Variants in DTD1 observed in about 807,000 individuals in gnomAD.
The protein encoded by DTD1 is D-aminoacyl-tRNA deacylase 1.
DTD1 carries 13 observed loss-of-function variants against 25.6 expected under a neutral mutation model. The ratio of observed to expected loss-of-function variants is 0.51; its 90% CI spans 0.33 to 0.81. DTD1 has a LOEUF of 0.81. Among genes scored for constraint, DTD1 ranks in the 30% least tolerant of loss-of-function variants. The pLI is 0.02. For missense variants in DTD1, 193 were observed against 266.4 expected (o/e 0.72, Z 1.92); for synonymous variants, 110 against 103.6 (o/e 1.06, Z -0.37).
intron 4 of DTD1, among the ~76,000 whole-genome samples, chr20:18,742,553 G>A (rs1171771810): frequency 2.0e-5 from 3 of 152,098 alleles, no homozygotes; most frequent in Non-Finnish European, 4.4e-5. Context: ...TGCATGCGGG[G>A]GATCTAGGTT....
rs538704133 is a variant in DTD1, at chr20:18,687,236, T to TCCCA, written c.478-56863_478-56860dup. 2.2e-4 allele frequency among the ~76,000 whole-genome samples: 33 copies of TCCCA among 152,274 alleles called. 1 individual carries two copies. The South Asian group carries it at 6.6e-3, about 31-fold the overall frequency. ...AGGTAGAGGGAACTTCCAGGTTGGG[T>TCCCA]CCCAGAGAGGGCCAGTGCTGGGTGA... On this transcript the variant is annotated intron_variant, in intron 4 of 5. Coordinates refer to ENST00000377452, the MANE Select transcript of DTD1 (RefSeq NM_080820.6).
chr20:18,739,911 G>A (rs910217815), intron 4 of DTD1, among the ~76,000 whole-genome samples: 6 of 151,026 alleles, frequency 4.0e-5, no homozygotes, highest in Non-Finnish European at 1.5e-5. Flanking sequence ...TGGTTGGGTT[G>A]TTTTAAGATA....
chr20:18,685,026 G>A lies in DTD1; in HGVS notation c.477+56793G>A, dbSNP rs116542897. ...CAGTCCTCCCACCTCAGCTTCCTGA[G>A]TAGCTGGGCCTATAGGTGCATACCA... On this transcript the variant is annotated intron_variant, in intron 4 of 5. Coordinates refer to ENST00000377452, the MANE Select transcript of DTD1 (RefSeq NM_080820.6). Among the ~76,000 whole-genome samples the A allele has an allele frequency of 1.7e-3, 258 of 152,090 alleles. 1 individual carries two copies. The highest frequency in any genetic ancestry group is 6.0e-3 in the African/African-American group (247 of 41,480).
chr20:18,649,734 G>A (rs1226058488), intron 4 of DTD1, among the ~76,000 whole-genome samples: 2 of 152,178 alleles, frequency 1.3e-5, no homozygotes, highest in Non-Finnish European at 2.9e-5. Flanking sequence ...TACTGTAAAT[G>A]TGAGTTGAGT....
intron 4 of DTD1, among the ~76,000 whole-genome samples, chr20:18,714,630 GA>G (rs1360001503): frequency 6.6e-6 from 1 of 152,130 alleles, no homozygotes; most frequent in East Asian, 1.9e-4. Flanking sequence ...GTGCTGCTTG[GA>G]ACCAGGGTCA....
At chr20:18,596,339 T>G (rs992208104) in intron 3 of DTD1, 98 bp downstream of exon 3, 6 of 986,608 alleles carry the variant, frequency 6.1e-6, no homozygotes, top group Non-Finnish European at 9.0e-6. Context: ...TTCTGGAAAG[T>G]CATTGTTTAT....
chr20:18,595,938 T>G, intron 2 of DTD1, 68 bp from the exon 3 acceptor site: 3 of 1,357,946 alleles, frequency 2.2e-6, no homozygotes, highest in East Asian at 4.6e-5. Flanking sequence ...GTGACATTTT[T>G]GGGGTATGGA....
chr20:18,651,566 C>A (rs971802626), intron 4 of DTD1, among the ~76,000 whole-genome samples: 7 of 152,234 alleles, frequency 4.6e-5, no homozygotes, highest in Non-Finnish European at 1.0e-4. Flanking sequence ...GCTCTCATGA[C>A]TGCCCCCTTT....
chr20:18,593,535 A>G (rs2060598669), intron 1 of DTD1, among the ~76,000 whole-genome samples, 196 bp from the exon 2 acceptor site: 1 of 152,220 alleles, frequency 6.6e-6, no homozygotes, highest in Non-Finnish European at 1.5e-5. Context: ...TTCCAGAGAT[A>G]AAATCAGAAT....
intron 4 of DTD1, among the ~76,000 whole-genome samples, chr20:18,708,154 AAC>A (rs2061133799): frequency 2.0e-5 from 1 of 50,844 alleles, no homozygotes; most frequent in Non-Finnish European, 5.4e-5. Flanking sequence ...GCTAATTATT[AAC>A]ATGTGTGTGT....
At chr20:18,681,359 T>A (rs1457000401) in intron 4 of DTD1, among the ~76,000 whole-genome samples, 2 of 152,230 alleles carry the variant, frequency 1.3e-5, no homozygotes, top group African/African-American at 4.8e-5. Context: ...GAAAATCAGA[T>A]GAAGCCCCAC....
At chr20:18,742,666 G>A (rs373995331) in intron 4 of DTD1, among the ~76,000 whole-genome samples, 1 of 152,140 alleles carries the variant, frequency 6.6e-6, no homozygotes, top group Non-Finnish European at 1.5e-5. Context: ...CAGAAAAATT[G>A]TCTTCTATAA....
At chr20:18,688,297 C>T (rs1357767431) in intron 4 of DTD1, among the ~76,000 whole-genome samples, 7 of 152,142 alleles carry the variant, frequency 4.6e-5, no homozygotes, top group African/African-American at 9.7e-5. Context: ...ACTGAGTCTT[C>T]GGACTTGGGA....
rs1202314515 is a variant in DTD1, at chr20:18,638,174, T to C, written c.477+9941T>C. Among the ~76,000 whole-genome samples the C allele has an allele frequency of 9.1e-4, 3 of 3,288 alleles. No homozygotes were observed. The East Asian group carries it at 0.014, about 16-fold the overall frequency. 2.2% of individuals were successfully genotyped at this position (3,288 alleles called of 152,430 possible). A position where few individuals can be genotyped will look rare whatever the true frequency, so the allele number is the denominator to read the frequency against. ...ACCCATATGTCCCTCCATCTGCCCA[T>C]CCATCCATCCATCCATCCATCCATC... On this transcript the variant is annotated intron_variant, in intron 4 of 5. Coordinates refer to ENST00000377452, the MANE Select transcript of DTD1 (RefSeq NM_080820.6).
chr20:18,632,417 G>C, intron 4 of DTD1: 3 of 985,462 alleles, frequency 3.0e-6, no homozygotes, highest in Non-Finnish European at 3.6e-6. Flanking sequence ...CGCAGAAGCG[G>C]CCTGTGTTAG....
At chr20:18,763,234 G>A (rs2061369635) in intron 5 of DTD1, 126 bp from the exon 6 acceptor site, 2 of 152,724 alleles carry the variant, frequency 1.3e-5, no homozygotes, top group Non-Finnish European at 1.5e-5. Context: ...ACTGATGCTG[G>A]TGTCACTGTA....
At position 18,765,484 on chromosome 20, in the gene DTD1, G is replaced by A. The variant is rs982762829; in HGVS notation, c.*2144G>A. On this transcript the variant is annotated 3_prime_UTR_variant, in exon 6 of 6. Transcript: ENST00000377452. The stretch of plus-strand genomic sequence containing the variant: ...ACTACTTTTGTAAACATTTTGGATT[G>A]AAGAGAACTTTTCCATCATCCTGAA... 1 of 152,166 alleles carries A rather than the reference G, an allele frequency of 6.6e-6. No individual in the cohort carries two copies. The allele number at this position is 152,166 out of a possible 1,614,324, so 9.4% of individuals were successfully genotyped here.
intron 4 of DTD1, among the ~76,000 whole-genome samples, chr20:18,737,074 C>T (rs1398777685): frequency 1.3e-5 from 2 of 152,206 alleles, no homozygotes; most frequent in Non-Finnish European, 2.9e-5. Context: ...TCTGCCACTC[C>T]CGACAATAAT....
chr20:18,625,709 C>T (rs1273356435), intron 3 of DTD1, among the ~76,000 whole-genome samples: 1 of 152,256 alleles, frequency 6.6e-6, no homozygotes, highest in Non-Finnish European at 1.5e-5. Flanking sequence ...AGGTCCCAGC[C>T]TGTAACCCAC....
Sources: allele counts gnomAD v4.1 joint callset (sites outside exome capture counted in the v4.1 genomes callset), GRCh38; gene constraint gnomAD v4.1.1; transcripts MANE v1.5; gene names NCBI Gene and HGNC (gene_info 2026-07-23, HGNC 2026-07-21).